Variants in FGF13 observed in about 807,000 individuals in gnomAD.
The protein encoded by FGF13 is fibroblast growth factor 13.
Under a neutral mutation model 19.5 loss-of-function variants are expected in FGF13, and 2 were observed. The ratio of observed to expected loss-of-function variants is 0.10; its 90% CI spans 0.04 to 0.32. The LOEUF is 0.32. Ranked by LOEUF, FGF13 falls within the 10% of genes least tolerant of loss-of-function variation. The pLI is 1.00. For missense variants in FGF13, 113 were observed against 192.7 expected (o/e 0.59, Z 2.45); for synonymous variants, 72 against 76.9 (o/e 0.94, Z 0.33).
rs140425892 is a variant in FGF13 at position 138,935,354 on chromosome X, G to A, written c.-112-70704C>T. ...CAGCTTCACACTAGTTTCCTGGAGA[G>A]CGGACTGTGATCATGCACCATCCTA... is the stretch of plus-strand genomic sequence containing the variant. On this transcript the variant is annotated intron_variant, in intron 1 of 2. Coordinates refer to the FGF13 transcript ENST00000421460. Among the ~76,000 whole-genome samples, 570 of 112,015 alleles carry A rather than the reference G, an allele frequency of 5.1e-3. 1 individual carries two copies. The highest frequency in any genetic ancestry group is 8.6e-3 in the Non-Finnish European group (459 of 53,205).
chrX:138,949,861 C>T (rs2124286053), intron 1 of FGF13, among the ~76,000 whole-genome samples: 1 of 111,975 alleles, frequency 8.9e-6, no homozygotes, highest in East Asian at 2.8e-4. Flanking sequence ...ATTGGGAGAA[C>T]ACCAGTAGAT....
intron 1 of FGF13, among the ~76,000 whole-genome samples, chrX:139,117,067 T>G (rs1303049372): frequency 1.8e-5 from 2 of 111,343 alleles, no homozygotes; most frequent in African/African-American, 6.6e-5. Context: ...TGCCAGACAC[T>G]GTGCTAAAGG....
At chrX:138,964,570 A>G (rs1044830628) in intron 1 of FGF13, among the ~76,000 whole-genome samples, 2 of 111,885 alleles carry the variant, frequency 1.8e-5, no homozygotes, top group African/African-American at 6.5e-5. Flanking sequence ...GCTGCTATAA[A>G]GGAATACCCA....
Position 139,138,154 on chromosome X carries a change from A to G in FGF13, c.-113+65262T>C, listed in dbSNP as rs927046336. Reference sequence around the variant, plus strand: ...AGCATATTACATGCTTCACTCATTTATTCCTCAAAATAGCCCTGTGAGGTA... The same window carrying G: ...AGCATATTACATGCTTCACTCATTTGTTCCTCAAAATAGCCCTGTGAGGTA... On this transcript the variant is annotated intron_variant, in intron 1 of 2. Coordinates refer to the FGF13 transcript ENST00000421460. 4.5e-5 allele frequency among the ~76,000 whole-genome samples: 5 copies of G among 112,209 alleles called. No homozygotes were observed. In the South Asian group the frequency reaches 1.9e-3, roughly 42 times the overall value.
chrX:138,701,232 C>T (rs948611952), intron 3 of FGF13, among the ~76,000 whole-genome samples: 5 of 112,198 alleles, frequency 4.5e-5, no homozygotes, highest in Admixed American at 9.4e-5. Context: ...CTGGCATGTG[C>T]TTTCTCAAAA....
At chrX:138,819,820 A>G (rs1259073435) in intron 3 of FGF13, among the ~76,000 whole-genome samples, 1 of 111,878 alleles carries the variant, frequency 8.9e-6, no homozygotes, top group African/African-American at 3.2e-5. Flanking sequence ...CATAATACTT[A>G]TTATGGAACT....
chrX:138,659,229 A>C (rs1186602376), intron 3 of FGF13, among the ~76,000 whole-genome samples: 1 of 112,239 alleles, frequency 8.9e-6, no homozygotes, highest in Non-Finnish European at 1.9e-5. Context: ...CAGCTACTCA[A>C]GAGGCTGAAG....
At chrX:138,936,200 G>A (rs1213953704) in intron 1 of FGF13, among the ~76,000 whole-genome samples, 1 of 112,347 alleles carries the variant, frequency 8.9e-6, no homozygotes, top group Admixed American at 9.4e-5. Context: ...AGCCTACAAT[G>A]TTCTACTGCT....
At chrX:138,953,188 A>C (rs1490669116) in intron 1 of FGF13, among the ~76,000 whole-genome samples, 6 of 111,085 alleles carry the variant, frequency 5.4e-5, no homozygotes, top group Non-Finnish European at 7.6e-5. Context: ...CAAATGTCCA[A>C]CAATGATAGA....
intron 3 of FGF13, among the ~76,000 whole-genome samples, chrX:138,645,060 CATTT>C (rs1286072874): frequency 8.9e-6 from 1 of 112,081 alleles, no homozygotes; most frequent in East Asian, 2.8e-4. Context: ...CCAATTTATT[CATTT>C]GAGACCCAAA....
chrX:138,703,121 C>T, intron 2 of FGF13, 34 bp from the exon 3 acceptor site: 1 of 1,065,711 alleles, frequency 9.4e-7, no homozygotes, highest in South Asian at 1.9e-5. Context: ...AACAGTGTTA[C>T]AATTCTGAAT....
intron 1 of FGF13, among the ~76,000 whole-genome samples, chrX:138,941,987 G>C (rs1460005759): frequency 8.9e-6 from 1 of 111,940 alleles, no homozygotes; most frequent in African/African-American, 3.3e-5. Flanking sequence ...AAGAGAAAAA[G>C]ACCTCTCATT....
chrX:138,735,064 T>A (rs896806996), intron 1 of FGF13, among the ~76,000 whole-genome samples: 7 of 112,095 alleles, frequency 6.2e-5, no homozygotes, highest in Admixed American at 5.7e-4. Context: ...GTGAAGCCAG[T>A]AAAAGTTTTG....
intron 3 of FGF13, among the ~76,000 whole-genome samples, chrX:138,828,041 G>A (rs2091045689): frequency 9.0e-6 from 1 of 111,731 alleles, no homozygotes; most frequent in Non-Finnish European, 1.9e-5. Flanking sequence ...AAATTCTCAA[G>A]GACCTTCAGA....
intron 1 of FGF13, among the ~76,000 whole-genome samples, chrX:139,005,028 G>A (rs2092094461): frequency 8.9e-6 from 1 of 112,117 alleles, no homozygotes; most frequent in African/African-American, 3.2e-5. Flanking sequence ...AAGCCTGGCA[G>A]GCTTAAGCAC....
chrX:139,148,331 A>G (rs1277352030), intron 1 of FGF13, among the ~76,000 whole-genome samples: 2 of 111,766 alleles, frequency 1.8e-5, no homozygotes, highest in African/African-American at 3.3e-5. Context: ...TATTCAGAGT[A>G]GAACTTCATA....
At chrX:138,867,120 T>G (rs768189587) in intron 1 of FGF13, among the ~76,000 whole-genome samples, 1 of 111,381 alleles carries the variant, frequency 9.0e-6, no homozygotes, top group Non-Finnish European at 1.9e-5. Context: ...CCATGATAGC[T>G]ATTCCCTATG....
intron 1 of FGF13, among the ~76,000 whole-genome samples, chrX:138,951,426 G>C (rs2091810883): frequency 9.0e-6 from 1 of 111,655 alleles, no homozygotes; most frequent in Non-Finnish European, 1.9e-5. Flanking sequence ...CATCAAAATT[G>C]AAATATTCTG....
downstream of FGF13, among the ~76,000 whole-genome samples, chrX:138,856,580 A>G (rs2091259111): frequency 8.9e-6 from 1 of 112,184 alleles, no homozygotes; most frequent in Non-Finnish European, 1.9e-5. Flanking sequence ...ACCAACTGCC[A>G]AAGAACAGGT....
Sources: gnomAD v4.1 joint callset for allele counts (sites outside exome capture counted in the v4.1 genomes callset) on GRCh38, gnomAD v4.1.1 for gene constraint, MANE v1.5 for transcripts, NCBI Gene and HGNC (gene_info 2026-07-23, HGNC 2026-07-21) for gene names.